SAMD12: variants seen among roughly 807,000 people sequenced by gnomAD.
SAMD12 encodes the protein sterile alpha motif domain containing 12.
In SAMD12, 9 loss-of-function variants were observed where a neutral mutation model predicts 15.0. The observed-to-expected ratio is 0.60, with a 90% CI of 0.36 to 1.05. The LOEUF (loss-of-function observed/expected upper bound fraction) is 1.05. Among genes scored for constraint, SAMD12 ranks in the 50% least tolerant of loss-of-function variants. SAMD12 has a pLI of 0.01. For missense variants in SAMD12, 230 were observed against 234.2 expected (o/e 0.98, Z 0.12); for synonymous variants, 86 against 90.1 (o/e 0.96, Z 0.25).
intron 2 of SAMD12, among the ~76,000 whole-genome samples, chr8:118,476,427 C>A: frequency 6.6e-6 from 1 of 152,246 alleles, no homozygotes; most frequent in South Asian, 2.1e-4. Context: ...TTGGATGGCT[C>A]CTGTCCTTTG....
the SAMD12 span, among the ~76,000 whole-genome samples, chr8:118,161,792 C>A: frequency 6.6e-6 from 1 of 151,390 alleles, no homozygotes. Context: ...CTCCAAGGGG[C>A]AAATGGCATA....
intron 1 of SAMD12, among the ~76,000 whole-genome samples, chr8:118,617,176 C>T (rs1828260142): frequency 6.6e-6 from 1 of 152,194 alleles, no homozygotes; most frequent in African/African-American, 2.4e-5. Context: ...GTTTTTATCT[C>T]CCATGTGACT....
At chr8:118,346,384 T>C (rs1396195822) in intron 4 of SAMD12, among the ~76,000 whole-genome samples, 1 of 152,166 alleles carries the variant, frequency 6.6e-6, no homozygotes, top group Admixed American at 6.5e-5. Flanking sequence ...CTAGTCAGTT[T>C]TGCTCTCTCA....
rs1563576342 is a variant in SAMD12, at chr8:118,548,412, CACACACACACA to C, written c.192+32292_192+32302del. Among the ~76,000 whole-genome samples the C allele has an allele frequency of 9.7e-3, 1,464 of 151,538 alleles. 27 individuals are homozygous for C. Among genetic ancestry groups the C allele is most frequent in the African/African-American group, 0.032 (1,307 of 41,186 alleles). ...ACACACACACACACACACACACACA[CACACACACACA>C]CCCCATGTGATGGGTAACTTAATGT... On this transcript the variant is annotated intron_variant, in intron 2 of 3. Coordinates refer to ENST00000314727, the MANE Select transcript of SAMD12 (RefSeq NM_207506.3).
chr8:118,471,082 G>A (rs928194547), intron 2 of SAMD12, among the ~76,000 whole-genome samples: 2 of 152,160 alleles, frequency 1.3e-5, no homozygotes, highest in African/African-American at 2.4e-5. Flanking sequence ...TATACATTAT[G>A]TCTCTCAAAT....
the SAMD12 span, among the ~76,000 whole-genome samples, chr8:118,183,374 C>A: frequency 6.6e-6 from 1 of 152,152 alleles, no homozygotes; most frequent in Non-Finnish European, 1.5e-5. Flanking sequence ...AAAAGGTATG[C>A]CAAGGTTTGT....
At chr8:118,454,654 C>T (rs1394034860) in intron 2 of SAMD12, among the ~76,000 whole-genome samples, 2 of 152,024 alleles carry the variant, frequency 1.3e-5, no homozygotes, top group Non-Finnish European at 2.9e-5. Context: ...ACAAAATTTA[C>T]CATCTTCATA....
chr8:118,602,135 A>T (rs1286652066), intron 1 of SAMD12, among the ~76,000 whole-genome samples: 1 of 152,158 alleles, frequency 6.6e-6, no homozygotes, highest in Non-Finnish European at 1.5e-5. Flanking sequence ...ACTGCCAAAT[A>T]GGAAAAAAAA....
intron 4 of SAMD12, among the ~76,000 whole-genome samples, chr8:118,271,543 G>A (rs1813355646): frequency 6.6e-6 from 1 of 152,064 alleles, no homozygotes; most frequent in South Asian, 2.1e-4. Flanking sequence ...ACTCATTTCA[G>A]CATTAACTAA....
intron 1 of SAMD12, among the ~76,000 whole-genome samples, chr8:118,586,078 C>T (rs536427689): frequency 6.6e-6 from 1 of 152,252 alleles, no homozygotes; most frequent in African/African-American, 2.4e-5. Flanking sequence ...ACTGTGAAAA[C>T]ACTCCCAGTT....
chr8:118,531,011 T>G (rs144842161), intron 2 of SAMD12, among the ~76,000 whole-genome samples: 7 of 152,352 alleles, frequency 4.6e-5, no homozygotes, highest in African/African-American at 9.6e-5. Flanking sequence ...CCCATGACTA[T>G]GTCCTGAATG....
In SAMD12 at chr8:118,499,465, G is replaced by A. The variant is rs376874242; in HGVS notation, c.193-59504C>T. ...CAGCTCCAAGACTTATTAGCCACAT[G>A]TCCACAACGTCATGTAACCTCCTCA... On this transcript the variant is annotated intron_variant, in intron 2 of 3. Coordinates refer to ENST00000314727, the MANE Select transcript of SAMD12 (RefSeq NM_207506.3). Among the ~76,000 whole-genome samples the A allele has an allele frequency of 5.3e-5, 8 of 152,336 alleles. No individual in the cohort carries two copies. The South Asian group carries it at 1.7e-3, about 32-fold the overall frequency.
intron 2 of SAMD12, among the ~76,000 whole-genome samples, chr8:118,553,418 A>G (rs1826412437): frequency 6.6e-6 from 1 of 152,162 alleles, no homozygotes; most frequent in African/African-American, 2.4e-5. Flanking sequence ...CCTGAGAAAA[A>G]CAAGAAATGG....
chr8:118,438,871 C>G (rs777483626), intron 3 of SAMD12, among the ~76,000 whole-genome samples: 3 of 152,152 alleles, frequency 2.0e-5, no homozygotes, highest in Admixed American at 2.0e-4. Flanking sequence ...GAAATGACTT[C>G]TTAACACTGT....
chr8:118,533,962 T>A (rs903365595), intron 2 of SAMD12, among the ~76,000 whole-genome samples: 1 of 152,232 alleles, frequency 6.6e-6, no homozygotes, highest in African/African-American at 2.4e-5. Context: ...AACATTTTTA[T>A]GTGTGAATTT....
intron 4 of SAMD12, among the ~76,000 whole-genome samples, chr8:118,219,964 G>A (rs1812049565): frequency 6.6e-6 from 1 of 152,204 alleles, no homozygotes. Flanking sequence ...ACACAGTAAT[G>A]GATGAAACAG....
chr8:118,518,334 T>C (rs1437747563), intron 2 of SAMD12, among the ~76,000 whole-genome samples: 2 of 152,190 alleles, frequency 1.3e-5, no homozygotes, highest in East Asian at 3.9e-4. Context: ...AAAAGCATTA[T>C]CTGCAAAGCA....
chr8:118,474,680 C>T (rs758760039), intron 2 of SAMD12, among the ~76,000 whole-genome samples: 3 of 131,018 alleles, frequency 2.3e-5, no homozygotes. Context: ...AGCCACCACG[C>T]CCAGCTTTAA....
chr8:118,369,432 T>C (rs1314988040), intron 4 of SAMD12, among the ~76,000 whole-genome samples: 1 of 152,100 alleles, frequency 6.6e-6, no homozygotes, highest in Non-Finnish European at 1.5e-5. Context: ...AACTTGAACG[T>C]AGGCCAGGCA....
Sources: gnomAD v4.1 joint callset for allele counts (sites outside exome capture counted in the v4.1 genomes callset) on GRCh38, gnomAD v4.1.1 for gene constraint, MANE v1.5 for transcripts, NCBI Gene and HGNC (gene_info 2026-07-23, HGNC 2026-07-21) for gene names.